SCG3: variants seen among roughly 807,000 people sequenced by gnomAD.
SCG3 encodes the protein secretogranin III.
SCG3 carries 38 observed loss-of-function variants against 56.2 expected under a neutral mutation model. That is an observed-to-expected ratio of 0.68 (90% confidence interval 0.52 to 0.89). SCG3 has a LOEUF of 0.89. SCG3 is among the 40% of genes least tolerant of loss of function. The pLI is 0.00. For synonymous variants in SCG3, 176 were observed against 184.2 expected (o/e 0.96, Z 0.36); for missense variants, 524 against 540.7 (o/e 0.97, Z 0.31).
intron 7 of SCG3, chr15:51,693,689 C>A (rs1393719515): frequency 3.9e-5 from 6 of 152,302 alleles, no homozygotes; most frequent in Admixed American, 3.9e-4. Context: ...TCTATTTCTC[C>A]CAAGAAGTGA....
chr15:51,714,552 C>T (rs1217449470), intron 11 of SCG3, among the ~76,000 whole-genome samples: 1 of 152,236 alleles, frequency 6.6e-6, no homozygotes, highest in Non-Finnish European at 1.5e-5. Context: ...AGTAATGCTT[C>T]TCAAACTTTA....
In SCG3 at chr15:51,713,437, T is replaced by C. The variant is rs771391118; in HGVS notation, c.1288+24T>C. 12 of 1,468,678 alleles carry C rather than the reference T, an allele frequency of 8.2e-6. No individual in the cohort carries two copies. The South Asian group carries it at 1.2e-4, about 15-fold the overall frequency. The allele number at this position is 1,468,678 out of a possible 1,614,324, so 91.0% of individuals were successfully genotyped here. A position where few individuals can be genotyped will look rare whatever the true frequency, so the allele number is the denominator to read the frequency against. ...AGGTAGGACCAAGTGTGGTTGTACA[T>C]TGCAAACTTCACCCATTTGTCAGGG... On this transcript the variant is annotated intron_variant, in intron 11 of 11. Coordinates refer to ENST00000220478, the MANE Select transcript of SCG3 (RefSeq NM_013243.4).
At chr15:51,702,552 C>T (rs1033931293) in intron 10 of SCG3, among the ~76,000 whole-genome samples, 3 of 152,124 alleles carry the variant, frequency 2.0e-5, no homozygotes, top group Non-Finnish European at 2.9e-5. Context: ...CCACCGTGCT[C>T]GGCCATCTTC....
Position 51,719,618 on chromosome 15 carries a change from C to T in SCG3, c.*92C>T. On this transcript the variant is annotated 3_prime_UTR_variant, in exon 12 of 12. Transcript: ENST00000220478. Reference sequence around the variant, plus strand: ...AATTCTGTGATTAAAATTTTTTGACCCAAGGGTTATTAGAAAGTGCTGAAT... The same window carrying T: ...AATTCTGTGATTAAAATTTTTTGACTCAAGGGTTATTAGAAAGTGCTGAAT... The T allele has an allele frequency of 1.1e-6, 1 of 898,094 alleles. No homozygotes were observed. Among genetic ancestry groups the T allele is most frequent in the Non-Finnish European group, 1.7e-6 (1 of 581,398 alleles). 55.6% of individuals were successfully genotyped at this position (898,094 alleles called of 1,614,324 possible).
At chr15:51,693,804 C>T (rs534964190) in intron 7 of SCG3, 26 of 152,344 alleles carry the variant, frequency 1.7e-4, no homozygotes, top group African/African-American at 6.3e-4. Flanking sequence ...GCTTGTACAT[C>T]TTGAGGGTCC....
chr15:51,684,176 T>C (rs2055213587), intron 4 of SCG3, among the ~76,000 whole-genome samples: 2 of 152,182 alleles, frequency 1.3e-5, no homozygotes, highest in South Asian at 4.1e-4. Flanking sequence ...TGCCAAAACT[T>C]ACTAATTTTA....
At chr15:51,685,144 T>A (rs1189791426) in intron 4 of SCG3, among the ~76,000 whole-genome samples, 2 of 152,128 alleles carry the variant, frequency 1.3e-5, no homozygotes, top group Non-Finnish European at 2.9e-5. Flanking sequence ...ATGGAGGCAA[T>A]GGGTTTATAT....
At chr15:51,715,244 C>T (rs2055446162) in intron 11 of SCG3, 1 of 152,162 alleles carries the variant, frequency 6.6e-6, no homozygotes, top group Non-Finnish European at 1.5e-5. Context: ...TTCGATGCTC[C>T]CTTTTGTCTC....
At chr15:51,718,636 TG>T (rs1400190778) in intron 11 of SCG3, among the ~76,000 whole-genome samples, 1 of 113,066 alleles carries the variant, frequency 8.8e-6, no homozygotes, top group Non-Finnish European at 1.9e-5. Context: ...CAAGGGAAAA[TG>T]GGGGTTTTTA....
Position 51,688,313 on chromosome 15 carries a change from A to G in SCG3, c.451A>G (p.Ile151Val), listed in dbSNP as rs1410557508. The G allele has an allele frequency of 1.4e-5, 23 of 1,613,816 alleles. No individual in the cohort carries two copies. The highest frequency in any genetic ancestry group is 1.9e-5 in the Non-Finnish European group (23 of 1,179,844). The change falls in exon 5 of 12, where the codon ATT (isoleucine) becomes GTT (valine). Residue 151 changes from isoleucine to valine, a missense_variant. Coordinates refer to ENST00000220478, the MANE Select transcript of SCG3 (RefSeq NM_013243.4). ...CGGGACTCCTTTAACCGCTGAAGAC[A>G]TTGTCCATAAAATCGCTGCCAGGAT... ...LDGTPLTAED[I>V]VHKIAARIYE...
At chr15:51,713,461 G>C (rs1375144137) in intron 11 of SCG3, 48 bp downstream of exon 11, 1 of 1,258,814 alleles carries the variant, frequency 7.9e-7, no homozygotes, top group Admixed American at 2.3e-5. Context: ...CATTTGTCAG[G>C]GGCTCTTGTT....
chr15:51,704,946 G>A (rs1260264949), intron 10 of SCG3, among the ~76,000 whole-genome samples: 3 of 151,298 alleles, frequency 2.0e-5, no homozygotes, highest in Non-Finnish European at 4.4e-5. Context: ...TCTACCAATC[G>A]TGTGCAAGAG....
chr15:51,697,072 A>T (rs958886161), intron 8 of SCG3, among the ~76,000 whole-genome samples: 1 of 152,080 alleles, frequency 6.6e-6, no homozygotes, highest in East Asian at 1.9e-4. Flanking sequence ...AGAAAGTGAA[A>T]ATCACTCACA....
chr15:51,692,879 TTC>T (rs150527771), intron 7 of SCG3, among the ~76,000 whole-genome samples: 23,305 of 152,072 alleles, frequency 0.15, 2,409 homozygotes, highest in Non-Finnish European at 0.22. Context: ...TTTTCTTTTA[TTC>T]TTTTTGTGTG....
At chr15:51,685,940 C>T (rs2055226107) in intron 4 of SCG3, among the ~76,000 whole-genome samples, 1 of 152,112 alleles carries the variant, frequency 6.6e-6, no homozygotes, top group African/African-American at 2.4e-5. Context: ...AGGGAGCATG[C>T]CTAACCTTTA....
Position 51,695,877 on chromosome 15 carries a change from A to G in SCG3, c.871A>G (p.Lys291Glu). The change falls in exon 8 of 12, where the codon AAA becomes GAA. Residue 291 changes from lysine (K) to glutamate (E), a missense_variant and splice_region_variant. Transcript: ENST00000220478. ...YALLKSIDSE[K>E]EAKEKETLIT... ...AGTTATTTTGTTCTTTCATATAGAA[A>G]AAGAAGCAAAAGAGAAAGAAACACT... 1 of 1,573,458 alleles carries G rather than the reference A, an allele frequency of 6.4e-7. No homozygotes were observed. The highest frequency in any genetic ancestry group is 8.7e-7 in the Non-Finnish European group (1 of 1,146,544).
chr15:51,716,816 G>A (rs147772313), intron 11 of SCG3, among the ~76,000 whole-genome samples: 209 of 152,354 alleles, frequency 1.4e-3, no homozygotes, highest in Non-Finnish European at 2.3e-3. Flanking sequence ...GGGTGAGGGC[G>A]CAGTCCCAAA....
intron 11 of SCG3, among the ~76,000 whole-genome samples, chr15:51,718,214 A>ACAGG (rs1393451180): frequency 1.3e-5 from 2 of 152,030 alleles, no homozygotes; most frequent in Non-Finnish European, 2.9e-5. Flanking sequence ...AGACAGACAG[A>ACAGG]CAGACAGACA....
chr15:51,713,344 G>A lies in SCG3; in HGVS notation c.1219G>A (p.Ala407Thr), dbSNP rs1183102118. 6.3e-7 allele frequency: 1 copy of A among 1,595,736 alleles called. No homozygotes were observed. Residue 407 changes from alanine (A) to threonine (T), a missense_variant, in exon 11 of 12, where the codon GCC (alanine) becomes ACC (threonine). Physicochemically the swap from Ala to Thr is moderately conservative, Grantham distance 58. Coordinates refer to ENST00000220478, the MANE Select transcript of SCG3 (RefSeq NM_013243.4). ...CTTACCTCTTCCAGGAAAAACAGAAGCCTATTTGGAAGCCATCAGAAAAAA... is the reference window on the plus strand; with the variant it reads ...CTTACCTCTTCCAGGAAAAACAGAAACCTATTTGGAAGCCATCAGAAAAAA... ...KTDEPKGKTEAYLEAIRKNIE... is the reference protein window; with the variant it reads ...KTDEPKGKTETYLEAIRKNIE...
Sources: gnomAD v4.1 joint callset for allele counts (sites outside exome capture counted in the v4.1 genomes callset) on GRCh38, gnomAD v4.1.1 for gene constraint, MANE v1.5 for transcripts, NCBI Gene and HGNC (gene_info 2026-07-23, HGNC 2026-07-21) for gene names.